Variants in NFIC observed in about 807,000 individuals in gnomAD.
NFIC encodes the protein nuclear factor I C, also known as nuclear factor 1 C-type.
In NFIC, 12 loss-of-function variants were observed where a neutral mutation model predicts 54.4. The ratio of observed to expected loss-of-function variants is 0.22; its 90% CI spans 0.14 to 0.36. The LOEUF (loss-of-function observed/expected upper bound fraction) is 0.36. Ranked by LOEUF, NFIC falls within the 10% of genes least tolerant of loss-of-function variation. NFIC has a pLI of 1.00. For missense variants in NFIC, 575 were observed against 718.2 expected (o/e 0.80, Z 2.28); for synonymous variants, 322 against 319.2 (o/e 1.01, Z -0.09).
chr19:3,419,466 C>T lies in NFIC; in HGVS notation c.563-5640C>T, dbSNP rs184099943. 1.3e-4 allele frequency among the ~76,000 whole-genome samples: 20 copies of T among 151,216 alleles called. No individual in the cohort carries two copies. The East Asian group carries it at 3.3e-3, about 25-fold the overall frequency. ...TGCAGCCTGGGTGACAGAGCAAGAC[C>T]CTGTCTCAAAAACAAAATTAGGCCG... On this transcript the variant is annotated intron_variant, in intron 2 of 10. Coordinates refer to ENST00000443272, the MANE Select transcript of NFIC (RefSeq NM_001245002.2).
rs542481751 is a variant in NFIC at position 3,467,924 on chromosome 19, C to T, written c.*5155C>T. ...GGACATACATCTCTCAATCCAGCTT[C>T]CTCCGCATCCTCCCATCTTGCCCCA... is the stretch of plus-strand genomic sequence containing the variant. On this transcript the variant is annotated 3_prime_UTR_variant, in exon 11 of 11. Transcript: ENST00000443272. 1 of 151,688 alleles carries T rather than the reference C, an allele frequency of 6.6e-6. No individual in the cohort carries two copies. Among genetic ancestry groups the T allele is most frequent in the South Asian group, 2.1e-4 (1 of 4,798 alleles). 9.4% of individuals were successfully genotyped at this position (151,688 alleles called of 1,614,324 possible). A position where few individuals can be genotyped will look rare whatever the true frequency, so the allele number is the denominator to read the frequency against.
intron 2 of NFIC, among the ~76,000 whole-genome samples, chr19:3,412,057 A>G (rs972700727): frequency 6.6e-6 from 1 of 152,218 alleles, no homozygotes; most frequent in Non-Finnish European, 1.5e-5. Flanking sequence ...CATCGTATAC[A>G]ATTGGAAAAG....
At position 3,463,430 on chromosome 19, in the gene NFIC, G is replaced by T. The variant is rs1024832896; in HGVS notation, c.*661G>T. ...GAGTGGTGTCGCGGGGGTGCGTGGC[G>T]CTTGCGAGCCCTGGCCAGGGGAGGA... is the stretch of plus-strand genomic sequence containing the variant. On this transcript the variant is annotated 3_prime_UTR_variant, in exon 11 of 11. Transcript: ENST00000443272. 38 of 985,390 alleles carry T rather than the reference G, an allele frequency of 3.9e-5. No individual in the cohort carries two copies. Among genetic ancestry groups the T allele is most frequent in the Non-Finnish European group, 3.9e-5 (32 of 830,066 alleles). The allele number at this position is 985,390 out of a possible 1,614,324, so 61.0% of individuals were successfully genotyped here.
At chr19:3,403,686 C>T (rs1188132615) in intron 2 of NFIC, among the ~76,000 whole-genome samples, 2 of 152,256 alleles carry the variant, frequency 1.3e-5, no homozygotes, top group Admixed American at 1.3e-4. Context: ...GGCTCCCGCG[C>T]CTTCCTCCTG....
In NFIC at chr19:3,388,772, G is replaced by A. The variant is rs375881522; in HGVS notation, c.562+6529G>A. On this transcript the variant is annotated intron_variant, in intron 2 of 10. Coordinates refer to ENST00000443272, the MANE Select transcript of NFIC (RefSeq NM_001245002.2). ...GAGCCCAGGAGTTGGAGGTTGCAGT[G>A]AGCTGTGATCCCACCACTGCACTCC... Among the ~76,000 whole-genome samples, 35 of 152,216 alleles carry A rather than the reference G, an allele frequency of 2.3e-4. No homozygotes were observed. In the East Asian group the frequency reaches 3.9e-3, roughly 17 times the overall value.
intron 1 of NFIC, among the ~76,000 whole-genome samples, chr19:3,371,124 A>G (rs2081000819): frequency 6.6e-6 from 1 of 152,148 alleles, no homozygotes; most frequent in Non-Finnish European, 1.5e-5. Context: ...CCTGGTATAG[A>G]GAAGGTGCCA....
chr19:3,368,340 G>A (rs927787980), intron 1 of NFIC, among the ~76,000 whole-genome samples: 72 of 152,298 alleles, frequency 4.7e-4, no homozygotes, highest in African/African-American at 1.7e-3. Flanking sequence ...GGTTGCTGGG[G>A]TGGGTTGGGG....
intron 2 of NFIC, among the ~76,000 whole-genome samples, chr19:3,396,458 T>G: frequency 2.3e-5 from 3 of 130,642 alleles, no homozygotes; most frequent in Admixed American, 8.5e-5. Context: ...GGCAACAGAG[T>G]GAGACTCCGT....
At chr19:3,442,026 C>G (rs2082301827) in intron 6 of NFIC, among the ~76,000 whole-genome samples, 1 of 152,240 alleles carries the variant, frequency 6.6e-6, no homozygotes, top group Non-Finnish European at 1.5e-5. Flanking sequence ...AGTGCTCAGC[C>G]AGTCCCCAAC....
At chr19:3,396,042 T>C (rs1335318623) in intron 2 of NFIC, among the ~76,000 whole-genome samples, 2 of 152,110 alleles carry the variant, frequency 1.3e-5, no homozygotes, top group Admixed American at 6.6e-5. Context: ...TCTTCCATAT[T>C]GGTTAGGGCT....
chr19:3,415,829 C>T (rs2081844826), intron 2 of NFIC, among the ~76,000 whole-genome samples: 1 of 151,958 alleles, frequency 6.6e-6, no homozygotes, highest in African/African-American at 2.4e-5. Flanking sequence ...GTGGAAGGGT[C>T]TTGTCCACTC....
chr19:3,389,933 G>A (rs1056537656), intron 2 of NFIC, among the ~76,000 whole-genome samples: 2 of 152,222 alleles, frequency 1.3e-5, no homozygotes, highest in African/African-American at 4.8e-5. Flanking sequence ...GCGGTGAACC[G>A]AGATTGCGCC....
At chr19:3,391,442 A>G (rs1175919402) in intron 2 of NFIC, among the ~76,000 whole-genome samples, 1 of 151,978 alleles carries the variant, frequency 6.6e-6, no homozygotes, top group African/African-American at 2.4e-5. Flanking sequence ...CTTGAGGTCA[A>G]GAATTCGAGA....
intron 2 of NFIC, among the ~76,000 whole-genome samples, chr19:3,411,994 A>G (rs1276610596): frequency 2.4e-4 from 37 of 152,330 alleles, no homozygotes; most frequent in Admixed American, 2.3e-3. Flanking sequence ...GAGGGTGTCT[A>G]CCGGGCCAGG....
intron 7 of NFIC, among the ~76,000 whole-genome samples, chr19:3,450,736 T>G (rs544001789): frequency 7.9e-5 from 12 of 152,296 alleles, no homozygotes; most frequent in Middle Eastern, 6.8e-3. Context: ...GTAGGAAGCC[T>G]CAAATATTGC....
chr19:3,439,924 G>A (rs1346609206), intron 6 of NFIC, among the ~76,000 whole-genome samples: 1 of 151,864 alleles, frequency 6.6e-6, no homozygotes, highest in Non-Finnish European at 1.5e-5. Flanking sequence ...TCCTGACTTC[G>A]TGATCTGCCC....
chr19:3,467,154 A>AC lies in NFIC; in HGVS notation c.*4391dup, dbSNP rs1378223838. The stretch of plus-strand genomic sequence containing the variant: ...CTGACATCTTCTCAAATCTTGTTCC[A>AC]CCCCCCTCTGGAAGCCCCCATCACC... On this transcript the variant is annotated 3_prime_UTR_variant, in exon 11 of 11. Coordinates refer to ENST00000443272, the MANE Select transcript of NFIC (RefSeq NM_001245002.2). 4.1e-5 allele frequency: 4 copies of AC among 97,692 alleles called. No individual in the cohort carries two copies. The East Asian group carries it at 1.1e-3, about 26-fold the overall frequency. 6.1% of individuals were successfully genotyped at this position (97,692 alleles called of 1,614,324 possible). A position where few individuals can be genotyped will look rare whatever the true frequency, so the allele number is the denominator to read the frequency against.
At chr19:3,390,691 A>C (rs960990572) in intron 2 of NFIC, among the ~76,000 whole-genome samples, 3 of 152,172 alleles carry the variant, frequency 2.0e-5, no homozygotes, top group African/African-American at 7.2e-5. Flanking sequence ...TTGCCTAAAA[A>C]AGGGAGGGAA....
chr19:3,369,023 GTC>G lies in NFIC; in HGVS notation c.30+2363_30+2364del, dbSNP rs2080949822. Among the ~76,000 whole-genome samples, 1 of 151,626 alleles carries G rather than the reference GTC, an allele frequency of 6.6e-6. No homozygotes were observed. Among genetic ancestry groups the G allele is most frequent in the East Asian group, 1.9e-4 (1 of 5,156 alleles). ...TCCCAGTCACTGTTGGTCTCTTTGT[GTC>G]TCTCTTTCTCATCCTCTGTCTCTCT... On this transcript the variant is annotated intron_variant, in intron 1 of 10. Transcript: ENST00000443272. The surrounding 1 kb of genome is among the most constrained non-coding windows in gnomAD (Gnocchi z 4.3).
Sources: allele counts gnomAD v4.1 joint callset (sites outside exome capture counted in the v4.1 genomes callset), GRCh38; gene constraint gnomAD v4.1.1; non-coding constraint Gnocchi (gnomAD v3.1); transcripts MANE v1.5; gene names NCBI Gene and HGNC (gene_info 2026-07-23, HGNC 2026-07-21).